The following PRKCA variants were observed in gnomAD, a reference collection of about 807,000 sequenced individuals.
PRKCA encodes the protein protein kinase C alpha.
A neutral mutation model predicts 87.0 loss-of-function variants in PRKCA; 27 were observed. That is an observed-to-expected ratio of 0.31 (90% CI 0.23 to 0.43). PRKCA has a LOEUF of 0.43. Ranked by LOEUF, PRKCA falls within the 20% of genes least tolerant of loss-of-function variation. The pLI, the probability that PRKCA is intolerant of heterozygous loss-of-function variation, is 1.00. For synonymous variants in PRKCA, 329 were observed against 311.1 expected, an observed-to-expected ratio of 1.06 and a Z score of -0.61; for missense variants, 518 against 852.3, an observed-to-expected ratio of 0.61 and a Z score of 4.88.
At chr17:66,737,412 G>A (rs1341131497) in intron 10 of PRKCA, among the ~76,000 whole-genome samples, 3 of 152,114 alleles carry the variant, frequency 2.0e-5, no homozygotes, top group Non-Finnish European at 4.4e-5. Flanking sequence ...ATAGTGAGAC[G>A]TTGCCAAAGC....
chr17:66,480,237 G>A (rs1259695745), intron 2 of PRKCA, among the ~76,000 whole-genome samples: 1 of 152,086 alleles, frequency 6.6e-6, no homozygotes, highest in Non-Finnish European at 1.5e-5. Flanking sequence ...GCTCTCCACT[G>A]TTACCCATGG....
chr17:66,711,626 A>G (rs1973330119), intron 8 of PRKCA, among the ~76,000 whole-genome samples: 1 of 152,198 alleles, frequency 6.6e-6, no homozygotes, highest in Non-Finnish European at 1.5e-5. Context: ...GTTCGTAATT[A>G]AAATCAGCCC....
At chr17:66,633,597 C>G (rs961637) in intron 3 of PRKCA, among the ~76,000 whole-genome samples, 1,867 of 152,298 alleles carry the variant, frequency 0.012, 46 homozygotes, top group African/African-American at 0.042. Flanking sequence ...TAAAAACAGT[C>G]TTTTCCAGAA....
At chr17:66,649,291 G>A (rs928308031) in intron 5 of PRKCA, among the ~76,000 whole-genome samples, 1 of 152,170 alleles carries the variant, frequency 6.6e-6, no homozygotes, top group Non-Finnish European at 1.5e-5. Context: ...TTATCTGCCT[G>A]CACCTTCTCC....
At chr17:66,596,014 G>C (rs1431578984) in intron 3 of PRKCA, among the ~76,000 whole-genome samples, 1 of 152,190 alleles carries the variant, frequency 6.6e-6, no homozygotes, top group East Asian at 1.9e-4. Context: ...TGTAGGGATG[G>C]GTGGTGGGTC....
chr17:66,715,964 T>A (rs1973463429), intron 8 of PRKCA, among the ~76,000 whole-genome samples: 2 of 152,188 alleles, frequency 1.3e-5, no homozygotes, highest in African/African-American at 4.8e-5. Context: ...AGCAATCAAC[T>A]GTTGCCTGGA....
intron 2 of PRKCA, among the ~76,000 whole-genome samples, chr17:66,410,293 C>T (rs1378174199): frequency 6.6e-6 from 1 of 151,064 alleles, no homozygotes; most frequent in African/African-American, 2.4e-5. Flanking sequence ...AATATTTGTA[C>T]ATGATGAATA....
Position 66,736,195 on chromosome 17 carries a change from C to T in PRKCA, c.1230+533C>T, listed in dbSNP as rs576182475. Among the ~76,000 whole-genome samples, 4 of 151,706 alleles carry T rather than the reference C, an allele frequency of 2.6e-5. No homozygotes were observed. The South Asian group carries it at 8.3e-4, about 32-fold the overall frequency. Reference sequence around the variant, plus strand: ...CTGTGCCTGGCCTTAATTCAGCAAACATTTCCATGAAAGGTTTTCTTCATG... The same window carrying T: ...CTGTGCCTGGCCTTAATTCAGCAAATATTTCCATGAAAGGTTTTCTTCATG... On this transcript the variant is annotated intron_variant, in intron 10 of 16. Transcript: ENST00000413366.
At chr17:66,636,622 G>A (rs1354041890) in intron 3 of PRKCA, among the ~76,000 whole-genome samples, 1 of 152,178 alleles carries the variant, frequency 6.6e-6, no homozygotes, top group Non-Finnish European at 1.5e-5. Flanking sequence ...GTATTTTGGG[G>A]AAACCCTGGG....
chr17:66,480,689 A>G (rs79525201), intron 2 of PRKCA, among the ~76,000 whole-genome samples: 21,138 of 152,140 alleles, frequency 0.14, 1,769 homozygotes, highest in East Asian at 0.29. Context: ...TTCTATGGCC[A>G]TTCCACCATT....
chr17:66,439,510 T>A (rs78894516), intron 2 of PRKCA, among the ~76,000 whole-genome samples: 286 of 152,282 alleles, frequency 1.9e-3, no homozygotes, highest in African/African-American at 6.5e-3. Flanking sequence ...TGAAAAAAAT[T>A]ATGTTGCTCT....
chr17:66,785,598 C>T (rs1568033124), intron 14 of PRKCA, among the ~76,000 whole-genome samples: 2 of 152,196 alleles, frequency 1.3e-5, no homozygotes, highest in Admixed American at 1.3e-4. Context: ...GCCAGAGTGA[C>T]CGGGAAGTGA....
chr17:66,768,897 C>T (rs1434522050), intron 13 of PRKCA, among the ~76,000 whole-genome samples: 1 of 152,134 alleles, frequency 6.6e-6, no homozygotes, highest in Non-Finnish European at 1.5e-5. Context: ...GTTGGCCGAG[C>T]AGTTTTAATG....
chr17:66,409,099 CT>C (rs1433016722), intron 2 of PRKCA, among the ~76,000 whole-genome samples: 1 of 143,056 alleles, frequency 7.0e-6, no homozygotes, highest in Admixed American at 6.9e-5. Flanking sequence ...AAAACCTTAA[CT>C]TTTTGGTAAG....
intron 8 of PRKCA, among the ~76,000 whole-genome samples, chr17:66,709,209 G>A (rs7223810): frequency 0.055 from 8,293 of 151,044 alleles, 749 homozygotes; most frequent in African/African-American, 0.19. Context: ...ACCTCTCACT[G>A]CTTATGAAGT....
At chr17:66,596,396 C>T (rs1338331946) in intron 3 of PRKCA, among the ~76,000 whole-genome samples, 1 of 151,998 alleles carries the variant, frequency 6.6e-6, no homozygotes, top group Non-Finnish European at 1.5e-5. Flanking sequence ...CACCGCTGGG[C>T]TGTTCAGAGC....
At chr17:66,596,344 T>G (rs1159952928) in intron 3 of PRKCA, among the ~76,000 whole-genome samples, 1 of 152,190 alleles carries the variant, frequency 6.6e-6, no homozygotes, top group East Asian at 1.9e-4. Context: ...TTTAGTCATG[T>G]AAGGTTCAAT....
intron 2 of PRKCA, among the ~76,000 whole-genome samples, chr17:66,315,161 G>A (rs1412001432): frequency 6.6e-6 from 1 of 152,106 alleles, no homozygotes; most frequent in African/African-American, 2.4e-5. Flanking sequence ...AGCACTTACT[G>A]TATACACTGT....
intron 16 of PRKCA, among the ~76,000 whole-genome samples, chr17:66,797,830 C>T (rs528718917): frequency 1.3e-5 from 2 of 152,252 alleles, no homozygotes. Context: ...CCATACCCAT[C>T]GTGTGGTACG....
Sources: gnomAD v4.1 joint callset for allele counts (sites outside exome capture counted in the v4.1 genomes callset) on GRCh38, gnomAD v4.1.1 for gene constraint, MANE v1.5 for transcripts, NCBI Gene and HGNC (gene_info 2026-07-23, HGNC 2026-07-21) for gene names.